Variants in RIMS2 observed in about 807,000 individuals in gnomAD.
The protein encoded by RIMS2 is regulating synaptic membrane exocytosis protein 2.
Under a neutral mutation model 174.4 loss-of-function variants are expected in RIMS2, and 59 were observed. The observed-to-expected ratio is 0.34, with a 90% CI of 0.27 to 0.42. RIMS2 has a LOEUF of 0.42. Among genes scored for constraint, RIMS2 ranks in the 10% least tolerant of loss-of-function variants. The pLI, the probability that RIMS2 is intolerant of heterozygous loss-of-function variation, is 1.00. For synonymous variants in RIMS2, 606 were observed against 572.5 expected (o/e 1.06, Z -0.84); for missense variants, 1,620 against 1,666.3 (o/e 0.97, Z 0.48).
At chr8:103,819,115 TG>T in intron 3 of RIMS2, 1 of 622,918 alleles carries the variant, frequency 1.6e-6, no homozygotes, top group Non-Finnish European at 2.0e-6. Context: ...ATTTTATTGC[TG>T]GCAGCCAGAT....
chr8:104,049,970 A>C (rs919186055), intron 19 of RIMS2, among the ~76,000 whole-genome samples: 4 of 152,192 alleles, frequency 2.6e-5, no homozygotes, highest in African/African-American at 9.6e-5. Context: ...AGTCAATTCT[A>C]GATTTCAGGT....
chr8:104,192,034 G>C (rs2099000523), intron 19 of RIMS2, among the ~76,000 whole-genome samples: 1 of 152,098 alleles, frequency 6.6e-6, no homozygotes, highest in African/African-American at 2.4e-5. Context: ...ACTATACTAT[G>C]TATGAGCCAA....
intron 1 of RIMS2, among the ~76,000 whole-genome samples, chr8:103,583,932 A>G (rs2093758163): frequency 6.6e-6 from 1 of 152,326 alleles, no homozygotes; most frequent in South Asian, 2.1e-4. Context: ...CAACTTCCCA[A>G]ACCTATAGAA....
At chr8:103,997,311 T>A (rs552980014) in intron 17 of RIMS2, among the ~76,000 whole-genome samples, 3 of 151,906 alleles carry the variant, frequency 2.0e-5, no homozygotes, top group Admixed American at 2.0e-4. Context: ...GGATTACAAG[T>A]AGAGGCATCT....
intron 13 of RIMS2, among the ~76,000 whole-genome samples, chr8:103,940,915 T>C (rs955147081): frequency 6.6e-6 from 1 of 151,752 alleles, no homozygotes; most frequent in Non-Finnish European, 1.5e-5. Context: ...TGTGTGACCT[T>C]TGGGAGGAAG....
chr8:104,148,546 G>T (rs1006807509), intron 19 of RIMS2, 61 bp from the exon 25 acceptor site: 2 of 1,432,566 alleles, frequency 1.4e-6, no homozygotes. Flanking sequence ...TATCTAAAAT[G>T]CATTTTCTGT....
At chr8:104,177,980 C>A (rs922958501) in intron 19 of RIMS2, among the ~76,000 whole-genome samples, 1 of 152,010 alleles carries the variant, frequency 6.6e-6, no homozygotes, top group South Asian at 2.1e-4. Context: ...TGGTGTCTAC[C>A]ATATGGAAGC....
chr8:103,953,593 T>G (rs931639291), intron 14 of RIMS2, among the ~76,000 whole-genome samples: 1 of 152,110 alleles, frequency 6.6e-6, no homozygotes, highest in African/African-American at 2.4e-5. Flanking sequence ...CGAGAGCTCC[T>G]GAAGGAATCA....
chr8:104,230,172 A>T (rs559542078), intron 19 of RIMS2, among the ~76,000 whole-genome samples: 159 of 151,788 alleles, frequency 1.0e-3, no homozygotes, highest in African/African-American at 3.7e-3. Context: ...CCAGCTACTC[A>T]GGAGGCTGAG....
chr8:103,973,332 G>A (rs2093095902), intron 15 of RIMS2, among the ~76,000 whole-genome samples: 1 of 151,978 alleles, frequency 6.6e-6, no homozygotes. Context: ...CATAATATAT[G>A]TGTTCCTGAG....
At chr8:104,092,240 C>T (rs988320458) in intron 19 of RIMS2, among the ~76,000 whole-genome samples, 9 of 151,614 alleles carry the variant, frequency 5.9e-5, no homozygotes, top group East Asian at 5.8e-4. Context: ...AATTGTCATT[C>T]GTGGGGGATT....
intron 3 of RIMS2, among the ~76,000 whole-genome samples, chr8:103,812,581 C>T (rs1389483034): frequency 6.6e-6 from 1 of 152,094 alleles, no homozygotes; most frequent in African/African-American, 2.4e-5. Context: ...GAGGTTTCAT[C>T]ATGTTGGCCA....
chr8:103,573,361 G>A (rs60091563), intron 1 of RIMS2, among the ~76,000 whole-genome samples: 50 of 152,098 alleles, frequency 3.3e-4, no homozygotes, highest in African/African-American at 1.2e-3. Flanking sequence ...ACCACAGGTG[G>A]CCTTGTCTTT....
At chr8:103,918,756 A>G (rs2077076677) in intron 9 of RIMS2, 3 of 320,528 alleles carry the variant, frequency 9.4e-6, no homozygotes, top group African/African-American at 4.2e-5. Context: ...GCATATACTT[A>G]AAGTACACAA....
chr8:103,565,267 TAAG>T (rs781479994), intron 1 of RIMS2, among the ~76,000 whole-genome samples: 4 of 152,014 alleles, frequency 2.6e-5, no homozygotes, highest in Non-Finnish European at 5.9e-5. Flanking sequence ...GTACTAAAGT[TAAG>T]GAGGGAGGGA....
intron 1 of RIMS2, among the ~76,000 whole-genome samples, chr8:103,616,765 A>T (rs2095514081): frequency 6.6e-6 from 1 of 152,196 alleles, no homozygotes. Flanking sequence ...AGGCAATACC[A>T]TTCACAATTG....
At chr8:104,148,507 G>A in intron 19 of RIMS2, 100 bp from the exon 25 acceptor site, 1 of 1,098,232 alleles carries the variant, frequency 9.1e-7, no homozygotes, top group Non-Finnish European at 1.3e-6. Context: ...TTCCATAGAT[G>A]ATATAATTTA....
In RIMS2 at chr8:103,749,945, T is replaced by C. The variant is rs184186473; in HGVS notation, c.388-16282T>C. On this transcript the variant is annotated intron_variant, in intron 2 of 23. Transcript: ENST00000504942. ...GTGATTGCTGCCTTCATAATAAATA[T>C]ACAATTTAAAAATCTTATTTTAATT... Among the ~76,000 whole-genome samples, 212 of 152,248 alleles carry C rather than the reference T, an allele frequency of 1.4e-3. 1 individual carries two copies. Among genetic ancestry groups the C allele is most frequent in the African/African-American group, 4.9e-3 (204 of 41,510 alleles).
At chr8:103,705,824 A>G (rs2097218197) in intron 2 of RIMS2, among the ~76,000 whole-genome samples, 1 of 150,928 alleles carries the variant, frequency 6.6e-6, no homozygotes, top group South Asian at 2.1e-4. Flanking sequence ...TAGGCAGCAT[A>G]TATTTGGATC....
Sources: gnomAD v4.1 joint callset for allele counts (sites outside exome capture counted in the v4.1 genomes callset) on GRCh38, gnomAD v4.1.1 for gene constraint, MANE v1.5 for transcripts, NCBI Gene and HGNC (gene_info 2026-07-23, HGNC 2026-07-21) for gene names.